Variants in CTTN observed in about 807,000 individuals in gnomAD.
CTTN encodes src substrate cortactin.
A neutral mutation model predicts 84.0 loss-of-function variants in CTTN; 28 were observed. The observed-to-expected ratio is 0.33, with a 90% CI of 0.25 to 0.46. CTTN has a LOEUF of 0.46. Among genes scored for constraint, CTTN ranks in the 20% least tolerant of loss-of-function variants. The probability of loss-of-function intolerance (pLI) is 1.00; values close to 1 mark genes in which losing one functional copy is unlikely to be tolerated. For missense variants in CTTN, 641 were observed against 723.8 expected (o/e 0.89, Z 1.31); for synonymous variants, 301 against 288.8 (o/e 1.04, Z -0.43).
At position 70,421,531 on chromosome 11, in the gene CTTN, T is replaced by C; in HGVS notation, c.852T>C (p.Ala284=). 1 of 1,614,170 alleles carries C rather than the reference T, an allele frequency of 6.2e-7. No individual in the cohort carries two copies. Among genetic ancestry groups the C allele is most frequent in the Non-Finnish European group, 8.5e-7 (1 of 1,180,024 alleles). ...AGTCGGAGAGGCAGGACTCCGCTGC[T>C]GTGGGGTTTGATTACAAGGAGAAGC... The part of the protein sequence containing the change: ...GVQSERQDSA[A]VGFDYKEKLA... Residue 284 remains alanine, a synonymous_variant, in exon 11 of 18, where the codon GCT becomes GCC. Transcript: ENST00000301843.
At chr11:70,405,474 AGAT>A (rs1367757756) in intron 2 of CTTN, 113 bp downstream of exon 2, 1 of 152,170 alleles carries the variant, frequency 6.6e-6, no homozygotes, top group Non-Finnish European at 1.5e-5. Flanking sequence ...ACTGGGAGAG[AGAT>A]GATAATATTC....
Position 70,433,097 on chromosome 11 carries a change from C to T in CTTN, c.1267-4C>T, listed in dbSNP as rs760734817. The T allele has an allele frequency of 2.7e-5, 43 of 1,612,796 alleles. No homozygotes were observed. The highest frequency in any genetic ancestry group is 9.3e-6 in the Non-Finnish European group (11 of 1,179,634). On this transcript the variant is annotated splice_region_variant and splice_polypyrimidine_tract_variant and intron_variant, in intron 15 of 17. Transcript: ENST00000301843. ...CGTGCCATGTGCGTGTGACCCTTCC[C>T]CAGGATGCGGCTTCCTTCAAGGCAG...
intron 13 of CTTN, among the ~76,000 whole-genome samples, chr11:70,427,071 C>T (rs750666569): frequency 2.7e-5 from 4 of 149,928 alleles, no homozygotes; most frequent in Admixed American, 6.7e-5. Context: ...AAACCTTGGC[C>T]GGGTGTGGTG....
intron 1 of CTTN, among the ~76,000 whole-genome samples, chr11:70,401,192 C>T (rs1355966467): frequency 5.9e-5 from 9 of 151,808 alleles, no homozygotes; most frequent in Admixed American, 1.3e-4. Context: ...AAAAATTGGC[C>T]GGGTATGGTG....
intron 5 of CTTN, 140 bp downstream of exon 5, chr11:70,410,100 C>A (rs573973019): frequency 2.4e-6 from 2 of 830,950 alleles, no homozygotes; most frequent in East Asian, 2.5e-5. Flanking sequence ...CCGGAGTAGA[C>A]CCCTGTTGAT....
At chr11:70,415,000 G>A (rs1038823434) in intron 6 of CTTN, among the ~76,000 whole-genome samples, 2 of 152,170 alleles carry the variant, frequency 1.3e-5, no homozygotes, top group Non-Finnish European at 2.9e-5. Context: ...ATACCGGGGG[G>A]GCAGGATGCG....
rs1000454306 is a variant in CTTN, at chr11:70,429,176, G to A, written c.1153G>A (p.Glu385Lys). ...GATGGCCAAGGAGCGGCAGGAGCAG[G>A]AAGAGGCCAGGAGGAAGCTGGAGGT... is the stretch of plus-strand genomic sequence containing the variant. ...QRMAKERQEQ[E>K]EARRKLEEQA... The change falls in exon 14 of 18, where the codon GAA becomes AAA. Residue 385 changes from glutamate (E) to lysine (K), a missense_variant. Transcript: ENST00000301843. 1 of 1,613,280 alleles carries A rather than the reference G, an allele frequency of 6.2e-7. No individual in the cohort carries two copies. Among genetic ancestry groups the A allele is most frequent in the East Asian group, 2.2e-5 (1 of 44,886 alleles).
Position 70,398,808 on chromosome 11 carries a change from G to A in CTTN, c.-98+194G>A, listed in dbSNP as rs531102608. ...GGGCGGGGCAGGGCGAGGGCCGGGG[G>A]TCCGCGAGGGCCACGAGGACGGGTC... On this transcript the variant is annotated intron_variant, in intron 1 of 17. Transcript: ENST00000301843. Among the ~76,000 whole-genome samples, 436 of 151,828 alleles carry A rather than the reference G, an allele frequency of 2.9e-3. 6 individuals carry two copies. The highest frequency in any genetic ancestry group is 9.9e-3 in the African/African-American group (411 of 41,394).
chr11:70,435,262 T>G lies in CTTN; in HGVS notation c.*100T>G, dbSNP rs1395840109. The stretch of plus-strand genomic sequence containing the variant: ...GTTTTGGGTTTTTTCTGTTTTTTTT[T>G]TTTTTTTTTTTTTTTTGAAGGTGGG... On this transcript the variant is annotated 3_prime_UTR_variant, in exon 18 of 18. Coordinates refer to ENST00000301843, the MANE Select transcript of CTTN (RefSeq NM_005231.4). 5 of 1,384,122 alleles carry G rather than the reference T, an allele frequency of 3.6e-6. No homozygotes were observed. Among genetic ancestry groups the G allele is most frequent in the Non-Finnish European group, 4.7e-6 (5 of 1,073,690 alleles). 85.7% of individuals were successfully genotyped at this position (1,384,122 alleles called of 1,614,324 possible).
chr11:70,410,038 G>T, intron 5 of CTTN, 78 bp downstream of exon 5: 2 of 1,524,092 alleles, frequency 1.3e-6, no homozygotes, highest in Non-Finnish European at 1.8e-6. Context: ...TCGTCCCTCA[G>T]TCTTTCCTTA....
At chr11:70,408,194 T>A (rs1257116655) in intron 4 of CTTN, 2 of 152,246 alleles carry the variant, frequency 1.3e-5, no homozygotes, top group African/African-American at 4.8e-5. Flanking sequence ...ACTTTTATTT[T>A]AGGCCACGCT....
chr11:70,401,855 G>A (rs574477952), intron 1 of CTTN, among the ~76,000 whole-genome samples: 1 of 151,712 alleles, frequency 6.6e-6, no homozygotes, highest in South Asian at 2.1e-4. Flanking sequence ...AGAAAAAAAA[G>A]GCTGGTGGGG....
chr11:70,429,241 C>A (rs1274694024), intron 14 of CTTN, 42 bp downstream of exon 14: 1 of 1,584,514 alleles, frequency 6.3e-7, no homozygotes. Flanking sequence ...CTCCCTGGGA[C>A]CTGTGCCGAG....
At chr11:70,400,642 C>G (rs1465016730) in intron 1 of CTTN, among the ~76,000 whole-genome samples, 1 of 152,194 alleles carries the variant, frequency 6.6e-6, no homozygotes, top group Admixed American at 6.5e-5. Context: ...TTTAAAATGA[C>G]AGCACACATA....
intron 1 of CTTN, among the ~76,000 whole-genome samples, chr11:70,404,909 G>A (rs975181473): frequency 1.3e-5 from 2 of 152,222 alleles, no homozygotes; most frequent in Admixed American, 1.3e-4. Flanking sequence ...GGCTGAGGCA[G>A]GAGAATCACT....
chr11:70,425,389 C>G lies in CTTN; in HGVS notation c.1015C>G (p.Pro339Ala). ...GTCCTCTGCCTACCAGAAGACAGTA[C>G]CTGTCGAAGCTGGTGAGTCCCGGCT... ...QVSSAYQKTV[P>A]VEAVTSKTSN... The change falls in exon 13 of 18, where the codon CCT becomes GCT. Residue 339 changes from proline (P) to alanine (A), a missense_variant. This residue lies in a region of CTTN where 289 missense variants were observed against 273.1 expected (regional missense o/e 1.06). Coordinates refer to ENST00000301843, the MANE Select transcript of CTTN (RefSeq NM_005231.4). 3.1e-6 allele frequency: 5 copies of G among 1,611,394 alleles called. No individual in the cohort carries two copies. Among genetic ancestry groups the G allele is most frequent in the Non-Finnish European group, 4.2e-6 (5 of 1,178,746 alleles).
intron 10 of CTTN, among the ~76,000 whole-genome samples, chr11:70,420,740 A>G (rs971222504): frequency 6.6e-6 from 1 of 152,100 alleles, no homozygotes; most frequent in Admixed American, 6.5e-5. Flanking sequence ...GTTTACCTGG[A>G]AGTGGGTTGC....
chr11:70,405,751 G>A (rs2058035094), intron 2 of CTTN, among the ~76,000 whole-genome samples: 2 of 152,308 alleles, frequency 1.3e-5, no homozygotes, highest in Admixed American at 6.5e-5. Context: ...ATCTCTCCCC[G>A]ATGAGCCTGA....
intron 9 of CTTN, 151 bp downstream of exon 9, chr11:70,420,007 A>G: frequency 1.5e-6 from 1 of 649,288 alleles, no homozygotes; most frequent in Non-Finnish European, 2.7e-6. Flanking sequence ...CGGCACATCC[A>G]GAAACACAGC....
Sources: gnomAD v4.1 joint callset for allele counts (sites outside exome capture counted in the v4.1 genomes callset) on GRCh38, gnomAD v4.1.1 for gene constraint, gnomAD v4.1.1 regional missense constraint, MANE v1.5 for transcripts, NCBI Gene and HGNC (gene_info 2026-07-23, HGNC 2026-07-21) for gene names.